Variants in LMNB1 observed in about 807,000 individuals in gnomAD.
The protein encoded by LMNB1 is lamin-B1.
In LMNB1, 23 loss-of-function variants were observed where a neutral mutation model predicts 67.1. The observed-to-expected ratio is 0.34, with a 90% CI of 0.25 to 0.49. The LOEUF (loss-of-function observed/expected upper bound fraction) is 0.49, where lower values mean the gene tolerates loss of function less well. LMNB1 is among the 20% of genes least tolerant of loss of function. The probability of loss-of-function intolerance (pLI) is 0.99; values close to 1 mark genes in which losing one functional copy is unlikely to be tolerated. For synonymous variants in LMNB1, 281 were observed against 282.9 expected, an observed-to-expected ratio of 0.99 and a Z score of 0.07; for missense variants, 634 against 746.5, an observed-to-expected ratio of 0.85 and a Z score of 1.76.
At chr5:126,816,362 A>G (rs565559562) in intron 5 of LMNB1, among the ~76,000 whole-genome samples, 1 of 151,432 alleles carries the variant, frequency 6.6e-6, no homozygotes, top group East Asian at 1.9e-4. Flanking sequence ...TGAACCAGGC[A>G]CCCCCTCTGC....
At chr5:126,812,115 T>C (rs1338785183) in intron 5 of LMNB1, among the ~76,000 whole-genome samples, 1 of 152,230 alleles carries the variant, frequency 6.6e-6, no homozygotes, top group African/African-American at 2.4e-5. Context: ...ATTAGTAGAT[T>C]ACACAGAGCT....
chr5:126,790,358 G>A (rs1191500821), intron 1 of LMNB1, among the ~76,000 whole-genome samples: 2 of 151,458 alleles, frequency 1.3e-5, no homozygotes, highest in Non-Finnish European at 2.9e-5. Context: ...TGCCTGCCTC[G>A]GCCTCCCAAA....
chr5:126,792,192 G>C (rs1248640887), intron 1 of LMNB1, among the ~76,000 whole-genome samples: 1 of 149,310 alleles, frequency 6.7e-6, no homozygotes, highest in East Asian at 2.0e-4. Context: ...ACCCAGACTG[G>C]AGTACAGCGG....
At position 126,836,728 on chromosome 5, in the gene LMNB1, A is replaced by T. The variant is rs556474503; in HGVS notation, c.*464A>T. 7.7e-5 allele frequency: 30 copies of T among 391,006 alleles called. 1 individual carries two copies. The East Asian group carries it at 1.0e-3, about 13-fold the overall frequency. 24.2% of individuals were successfully genotyped at this position (391,006 alleles called of 1,614,324 possible). On this transcript the variant is annotated 3_prime_UTR_variant, in exon 11 of 11. Transcript: ENST00000261366. The stretch of plus-strand genomic sequence containing the variant: ...TCAATATATTGAACTTTTGTACTGA[A>T]TTTTTTTGTAATAAGCAATCAAGGT...
chr5:126,781,032 C>G (rs1750621679), intron 1 of LMNB1, among the ~76,000 whole-genome samples: 1 of 152,148 alleles, frequency 6.6e-6, no homozygotes, highest in Non-Finnish European at 1.5e-5. Context: ...GTGGCTCACA[C>G]CTGTAAAGCA....
In LMNB1 at chr5:126,832,596, G is replaced by C. The variant is rs1752160837; in HGVS notation, c.1612-98G>C. 6.1e-6 allele frequency: 5 copies of C among 820,978 alleles called. No homozygotes were observed. The East Asian group carries it at 1.6e-4, about 26-fold the overall frequency. The allele number at this position is 820,978 out of a possible 1,614,324, so 50.9% of individuals were successfully genotyped here. ...ATTACAGGTGTGAGCCACTGCGCCT[G>C]GCAAGAAATGCTGTCTCTTAAGCAA... On this transcript the variant is annotated intron_variant, in intron 9 of 10. Coordinates refer to ENST00000261366, the MANE Select transcript of LMNB1 (RefSeq NM_005573.4).
chr5:126,800,644 CTTTTTTTTTTT>C (rs35363581), intron 1 of LMNB1, among the ~76,000 whole-genome samples: 3 of 53,930 alleles, frequency 5.6e-5, no homozygotes, highest in South Asian at 7.8e-4. Context: ...ACTGTATCTT[CTTTTTTTTTTT>C]TTTTTTTTTT....
At chr5:126,828,095 TAGC>T (rs1265974792) in intron 9 of LMNB1, among the ~76,000 whole-genome samples, 1 of 152,158 alleles carries the variant, frequency 6.6e-6, no homozygotes, top group East Asian at 1.9e-4. Context: ...AATAAAGCAA[TAGC>T]AGCATTCATT....
At chr5:126,820,086 G>C (rs1222989674) in intron 6 of LMNB1, among the ~76,000 whole-genome samples, 1 of 152,060 alleles carries the variant, frequency 6.6e-6, no homozygotes, top group Non-Finnish European at 1.5e-5. Context: ...AGTTTGCAGT[G>C]AGCCAAGATT....
At chr5:126,783,262 C>T (rs951495414) in intron 1 of LMNB1, among the ~76,000 whole-genome samples, 1 of 151,916 alleles carries the variant, frequency 6.6e-6, no homozygotes, top group Non-Finnish European at 1.5e-5. Context: ...CTGTGTATTA[C>T]TATATCTTTT....
chr5:126,798,570 G>A (rs1751171385), intron 1 of LMNB1, among the ~76,000 whole-genome samples: 2 of 152,142 alleles, frequency 1.3e-5, no homozygotes, highest in African/African-American at 2.4e-5. Flanking sequence ...AAATTGGTAG[G>A]AAGAAAGAGA....
chr5:126,817,119 C>G (rs1210489316), intron 5 of LMNB1, among the ~76,000 whole-genome samples: 1 of 152,152 alleles, frequency 6.6e-6, no homozygotes, highest in African/African-American at 2.4e-5. Context: ...GGACCATGGG[C>G]ATTTACTTTA....
Position 126,819,618 on chromosome 5 carries a change from G to A in LMNB1, c.1160+476G>A, listed in dbSNP as rs552454563. On this transcript the variant is annotated intron_variant, in intron 6 of 10. Transcript: ENST00000261366. ...CGATTTGCCTACCTCAGCCTCCTGAGTAACTGGGATTACAGGCGTGTGTCA... is the reference window on the plus strand; with the variant it reads ...CGATTTGCCTACCTCAGCCTCCTGAATAACTGGGATTACAGGCGTGTGTCA... Among the ~76,000 whole-genome samples, 15 of 151,956 alleles carry A rather than the reference G, an allele frequency of 9.9e-5. No individual in the cohort carries two copies. In the South Asian group the frequency reaches 3.1e-3, roughly 32 times the overall value.
At chr5:126,781,457 T>A (rs1750631218) in intron 1 of LMNB1, among the ~76,000 whole-genome samples, 1 of 152,062 alleles carries the variant, frequency 6.6e-6, no homozygotes, top group African/African-American at 2.4e-5. Context: ...TATTGTCTTC[T>A]GGCATCTAGG....
intron 1 of LMNB1, among the ~76,000 whole-genome samples, chr5:126,803,628 C>T (rs768105097): frequency 6.6e-6 from 1 of 151,970 alleles, no homozygotes; most frequent in African/African-American, 2.4e-5. Flanking sequence ...CTCACTGCAA[C>T]CTCCACCTCC....
At chr5:126,823,352 C>A (rs1751916851) in intron 8 of LMNB1, among the ~76,000 whole-genome samples, 1 of 152,116 alleles carries the variant, frequency 6.6e-6, no homozygotes, top group African/African-American at 2.4e-5. Flanking sequence ...ATTATAGGCA[C>A]CCTTGTAAAT....
Position 126,836,610 on chromosome 5 carries a change from G to A in LMNB1, c.*346G>A, listed in dbSNP as rs1752254915. The A allele has an allele frequency of 1.4e-5, 5 of 351,686 alleles. No homozygotes were observed. The highest frequency in any genetic ancestry group is 9.4e-5 in the Admixed American group (2 of 21,362). The allele number at this position is 351,686 out of a possible 1,614,324, so 21.8% of individuals were successfully genotyped here. A position where few individuals can be genotyped will look rare whatever the true frequency, so the allele number is the denominator to read the frequency against. ...TAAATAAACCACTGTGCGTCTTGGTGTAATTTGAAGATTGCCCCATCTAGA... is the reference window on the plus strand; with the variant it reads ...TAAATAAACCACTGTGCGTCTTGGTATAATTTGAAGATTGCCCCATCTAGA... On this transcript the variant is annotated 3_prime_UTR_variant, in exon 11 of 11. Transcript: ENST00000261366.
At chr5:126,813,300 T>C (rs1271569875) in intron 5 of LMNB1, among the ~76,000 whole-genome samples, 1 of 152,230 alleles carries the variant, frequency 6.6e-6, no homozygotes, top group African/African-American at 2.4e-5. Context: ...TTTCATTTAA[T>C]AGCAGAGCTG....
chr5:126,784,014 ATTTTTTTTTTTTTTTTT>A (rs61578729), intron 1 of LMNB1, among the ~76,000 whole-genome samples: 1 of 59,436 alleles, frequency 1.7e-5, no homozygotes, highest in Non-Finnish European at 2.9e-5. Flanking sequence ...CTGTCATTTG[ATTTTTTTTTTTTTTTTT>A]TTTTTTTTTT....
Sources: allele counts gnomAD v4.1 joint callset (sites outside exome capture counted in the v4.1 genomes callset), GRCh38; gene constraint gnomAD v4.1.1; transcripts MANE v1.5; gene names NCBI Gene and HGNC (gene_info 2026-07-23, HGNC 2026-07-21).